Variants in FNDC3B observed in about 807,000 individuals in gnomAD.
FNDC3B encodes the protein fibronectin type III domain-containing protein 3B.
FNDC3B carries 12 observed loss-of-function variants against 151.5 expected under a neutral mutation model. That is an observed-to-expected ratio of 0.08 (90% CI 0.05 to 0.13). The LOEUF is 0.13. FNDC3B is among the 10% of genes least tolerant of loss of function. The probability of loss-of-function intolerance (pLI) is 1.00; values close to 1 mark genes in which losing one functional copy is unlikely to be tolerated. For synonymous variants in FNDC3B, 528 were observed against 549.0 expected (o/e 0.96, Z 0.54); for missense variants, 1,214 against 1,505.3 (o/e 0.81, Z 3.20).
At chr3:172,146,729 G>A (rs116833381) in intron 3 of FNDC3B, among the ~76,000 whole-genome samples, 285 of 152,108 alleles carry the variant, frequency 1.9e-3, no homozygotes, top group Non-Finnish European at 2.9e-3. Flanking sequence ...CTTTTATCTT[G>A]TATTCTTATA....
chr3:172,055,682 G>C (rs1056574026), intron 1 of FNDC3B, among the ~76,000 whole-genome samples: 4 of 152,128 alleles, frequency 2.6e-5, no homozygotes, highest in Non-Finnish European at 5.9e-5. Context: ...CCTTGCTTTC[G>C]TGAGGAGCAG....
At chr3:172,163,278 GA>G (rs200670741) in intron 3 of FNDC3B, among the ~76,000 whole-genome samples, 27,970 of 145,160 alleles carry the variant, frequency 0.19, 3,180 homozygotes, top group Admixed American at 0.24. Flanking sequence ...CTCATATAAG[GA>G]AAAAAAAAAA....
At chr3:172,302,921 T>TGAGC (rs2055524803) in intron 9 of FNDC3B, 1 of 150,740 alleles carries the variant, frequency 6.6e-6, no homozygotes, top group South Asian at 2.1e-4. Flanking sequence ...TGTGTGTGCC[T>TGAGC]GAGAGAGAGA....
chr3:172,333,587 A>C (rs1302327506), intron 14 of FNDC3B, among the ~76,000 whole-genome samples: 1 of 142,540 alleles, frequency 7.0e-6, no homozygotes, highest in Admixed American at 7.6e-5. Context: ...CTCGTGATCC[A>C]CCTGCCTCGG....
chr3:172,347,179 CATT>C (rs745896607), intron 20 of FNDC3B, 30 bp from the exon 21 acceptor site: 1 of 1,584,842 alleles, frequency 6.3e-7, no homozygotes, highest in South Asian at 1.2e-5. Flanking sequence ...TTCTCAGTGG[CATT>C]ATTAACTACT....
chr3:172,045,372 T>C (rs1414271573), intron 1 of FNDC3B, among the ~76,000 whole-genome samples: 1 of 152,184 alleles, frequency 6.6e-6, no homozygotes, highest in African/African-American at 2.4e-5. Context: ...GCTGGGCTAG[T>C]GTTGCTGAAG....
intron 25 of FNDC3B, among the ~76,000 whole-genome samples, chr3:172,395,678 A>G (rs1736238396): frequency 6.6e-6 from 1 of 152,236 alleles, no homozygotes; most frequent in South Asian, 2.1e-4. Context: ...TTCTCAACAC[A>G]TATATCTGGC....
At chr3:172,223,723 TTGTTGATTTTA>T (rs1726407112) in intron 3 of FNDC3B, among the ~76,000 whole-genome samples, 1 of 152,242 alleles carries the variant, frequency 6.6e-6, no homozygotes, top group African/African-American at 2.4e-5. Context: ...AAGTGTATAC[TTGTTGATTTTA>T]TGTTGCATGG....
intron 6 of FNDC3B, among the ~76,000 whole-genome samples, chr3:172,252,388 A>G (rs1443420872): frequency 2.0e-5 from 3 of 151,990 alleles, no homozygotes; most frequent in Non-Finnish European, 4.4e-5. Flanking sequence ...AATTATTTCA[A>G]GTAGATTCCC....
intron 1 of FNDC3B, among the ~76,000 whole-genome samples, chr3:172,044,587 G>A (rs936517231): frequency 5.9e-5 from 9 of 152,108 alleles, no homozygotes; most frequent in Admixed American, 5.2e-4. Flanking sequence ...CAGGTAAGGC[G>A]TCAGTTACTG....
At position 172,040,246 on chromosome 3, in the gene FNDC3B, C is replaced by T. The variant is rs1224397882; in HGVS notation, c.-29+475C>T. Reference sequence around the variant, plus strand: ...ATCTTCGACGTGTCACTTTCTGAGGCTGTAGATTTCCATATGGTGGAGGGA... The same window carrying T: ...ATCTTCGACGTGTCACTTTCTGAGGTTGTAGATTTCCATATGGTGGAGGGA... On this transcript the variant is annotated intron_variant, in intron 1 of 25. Coordinates refer to ENST00000415807, the MANE Select transcript of FNDC3B (RefSeq NM_022763.4). The surrounding 1 kb of genome is among the most constrained non-coding windows in gnomAD (Gnocchi z 6.6). 1.3e-5 allele frequency among the ~76,000 whole-genome samples: 2 copies of T among 151,828 alleles called. No individual in the cohort carries two copies. The highest frequency in any genetic ancestry group is 2.9e-5 in the Non-Finnish European group (2 of 67,908).
Position 172,397,599 on chromosome 3 carries a change from A to T in FNDC3B, c.*124A>T, listed in dbSNP as rs555628513. On this transcript the variant is annotated 3_prime_UTR_variant, in exon 26 of 26. Transcript: ENST00000415807. ...TATACTCTGTTTTACAGATTTAGCTAGAAAAAAAATGTCAGTGTTTTGGTG... is the reference window on the plus strand; with the variant it reads ...TATACTCTGTTTTACAGATTTAGCTTGAAAAAAAATGTCAGTGTTTTGGTG... The T allele has an allele frequency of 1.9e-6, 1 of 529,160 alleles. No individual in the cohort carries two copies. Among genetic ancestry groups the T allele is most frequent in the African/African-American group, 2.0e-5 (1 of 50,606 alleles). The allele number at this position is 529,160 out of a possible 1,614,324, so 32.8% of individuals were successfully genotyped here.
At chr3:172,251,593 C>A in intron 6 of FNDC3B, 52 bp downstream of exon 6, 1 of 1,488,870 alleles carries the variant, frequency 6.7e-7, no homozygotes. Flanking sequence ...AGAGACATCT[C>A]AAATGATGTT....
At chr3:172,251,144 A>G in intron 5 of FNDC3B, 116 bp from the exon 6 acceptor site, 1 of 808,716 alleles carries the variant, frequency 1.2e-6, no homozygotes, top group Non-Finnish European at 1.9e-6. Flanking sequence ...ATTTAGTAAT[A>G]CTTTAGACTT....
intron 3 of FNDC3B, chr3:172,133,787 T>A (rs1474871589): frequency 2.0e-6 from 1 of 504,460 alleles, no homozygotes; most frequent in Non-Finnish European, 3.6e-6. Flanking sequence ...AGTAACAAAT[T>A]ACTCCAAAAT....
In FNDC3B at chr3:172,324,356, G is replaced by A. The variant is rs114928354; in HGVS notation, c.1255-4596G>A. Among the ~76,000 whole-genome samples the A allele has an allele frequency of 9.6e-3, 1,467 of 152,248 alleles. 33 individuals are homozygous for A. Among genetic ancestry groups the A allele is most frequent in the African/African-American group, 0.034 (1,396 of 41,534 alleles). Reference sequence around the variant, plus strand: ...TGGTTGGAAAACATTACCCCAGGGTGATGAATTGGTGCTCTCAGGCTAGGT... The same window carrying A: ...TGGTTGGAAAACATTACCCCAGGGTAATGAATTGGTGCTCTCAGGCTAGGT... On this transcript the variant is annotated intron_variant, in intron 11 of 25. Coordinates refer to ENST00000415807, the MANE Select transcript of FNDC3B (RefSeq NM_022763.4).
At chr3:172,281,492 T>A (rs940583883) in intron 6 of FNDC3B, among the ~76,000 whole-genome samples, 10 of 152,172 alleles carry the variant, frequency 6.6e-5, no homozygotes, top group African/African-American at 1.9e-4. Context: ...ACCAGCAAGG[T>A]GGAATCAGGT....
At chr3:172,150,095 G>T (rs148267836) in intron 3 of FNDC3B, among the ~76,000 whole-genome samples, 1 of 152,080 alleles carries the variant, frequency 6.6e-6, no homozygotes, top group African/African-American at 2.4e-5. Context: ...GGGATTACAG[G>T]TGTGAGCCAC....
intron 11 of FNDC3B, among the ~76,000 whole-genome samples, chr3:172,326,242 A>G (rs912988047): frequency 2.6e-5 from 4 of 152,186 alleles, no homozygotes; most frequent in East Asian, 3.8e-4. Context: ...TTTATTCTCA[A>G]TGACTTCTAA....
Sources: gnomAD v4.1 joint callset for allele counts (sites outside exome capture counted in the v4.1 genomes callset) on GRCh38, gnomAD v4.1.1 for gene constraint, Gnocchi (gnomAD v3.1) non-coding constraint, MANE v1.5 for transcripts, NCBI Gene and HGNC (gene_info 2026-07-23, HGNC 2026-07-21) for gene names.